The following MRPL44 variants were observed in gnomAD, a reference collection of about 807,000 sequenced individuals.
MRPL44 encodes the protein mitochondrial ribosomal protein L44.
A neutral mutation model predicts 25.9 loss-of-function variants in MRPL44; 21 were observed. The ratio of observed to expected loss-of-function variants is 0.81; its 90% CI spans 0.58 to 1.17. The LOEUF (loss-of-function observed/expected upper bound fraction) is 1.17. MRPL44 is among the 50% of genes most tolerant of loss of function. The pLI is 0.00. For synonymous variants in MRPL44, 169 were observed against 151.0 expected (o/e 1.12, Z -0.87); for missense variants, 410 against 398.9 (o/e 1.03, Z -0.24).
chr2:223,953,209 A>G (rs1290665795), upstream of MRPL44, among the ~76,000 whole-genome samples: 1 of 147,848 alleles, frequency 6.8e-6, no homozygotes, highest in Non-Finnish European at 1.5e-5. Flanking sequence ...ATCTTGGCTC[A>G]CTGCAACCTC....
chr2:223,959,492 G>GGTT, intron 1 of MRPL44, 42 bp from the exon 2 acceptor site: 1 of 1,440,572 alleles, frequency 6.9e-7, no homozygotes, highest in Non-Finnish European at 9.5e-7. Flanking sequence ...CACAGTAACA[G>GGTT]GTTGTTCTCT....
At chr2:223,961,065 T>G (rs912286921) in intron 2 of MRPL44, among the ~76,000 whole-genome samples, 3 of 152,214 alleles carry the variant, frequency 2.0e-5, no homozygotes, top group South Asian at 2.1e-4. Flanking sequence ...CACTTAATGT[T>G]GAGTGCCTTA....
chr2:223,952,606 C>T (rs1447585116), upstream of MRPL44, among the ~76,000 whole-genome samples: 3 of 152,114 alleles, frequency 2.0e-5, no homozygotes, highest in Non-Finnish European at 4.4e-5. Context: ...CTAAAGCCTC[C>T]GTTGTACATA....
Position 223,959,667 on chromosome 2 carries a change from C to T in MRPL44, c.313C>T (p.Arg105Cys), listed in dbSNP as rs144037629. The T allele has an allele frequency of 3.8e-5, 62 of 1,614,212 alleles. No homozygotes were observed. In the African/African-American group the frequency reaches 5.5e-4, roughly 14 times the overall value. ...SCYIKSEEAKRQQLGIEKEAV... is the reference protein window; with the variant it reads ...SCYIKSEEAKCQQLGIEKEAV... The stretch of plus-strand genomic sequence containing the variant: ...CTATATTAAAAGTGAGGAGGCCAAA[C>T]GCCAACAACTTGGGATAGAGAAAGA... The change falls in exon 2 of 4, where the codon CGC (arginine) becomes TGC (cysteine). Residue 105 changes from arginine to cysteine, a missense_variant. Physicochemically the swap from Arg to Cys is radical, Grantham distance 180. Transcript: ENST00000258383.
chr2:223,962,438 CTCCATCCATCCATCCA>C (rs111442003), intron 2 of MRPL44, among the ~76,000 whole-genome samples: 3 of 151,890 alleles, frequency 2.0e-5, no homozygotes, highest in Non-Finnish European at 2.9e-5. Context: ...TTCCCTCTGC[CTCCATCCATCCATCCA>C]TCCATCCATC....
intron 3 of MRPL44, among the ~76,000 whole-genome samples, chr2:223,964,674 A>G (rs1689717101): frequency 6.6e-6 from 1 of 152,056 alleles, no homozygotes; most frequent in South Asian, 2.1e-4. Context: ...ATCAGTTTAT[A>G]TACTGCTGGT....
At chr2:223,955,186 A>C (rs1340729014), upstream of MRPL44, among the ~76,000 whole-genome samples, 1 of 152,214 alleles carries the variant, frequency 6.6e-6, no homozygotes, top group African/African-American at 2.4e-5. Context: ...CAGCTTTTAG[A>C]TCTATCAAGT....
At chr2:223,954,673 A>G (rs1216345724), upstream of MRPL44, among the ~76,000 whole-genome samples, 1 of 152,254 alleles carries the variant, frequency 6.6e-6, no homozygotes, top group East Asian at 1.9e-4. Flanking sequence ...ACTTCCTGAC[A>G]GGAGACTAAT....
chr2:223,963,623 C>T lies in MRPL44; in HGVS notation c.649-133C>T, dbSNP rs149624372. 384 of 509,370 alleles carry T rather than the reference C, an allele frequency of 7.5e-4. 2 individuals carry two copies. The highest frequency in any genetic ancestry group is 7.3e-3 in the African/African-American group (367 of 50,080). The allele number at this position is 509,370 out of a possible 1,614,324, so 31.6% of individuals were successfully genotyped here. A position where few individuals can be genotyped will look rare whatever the true frequency, so the allele number is the denominator to read the frequency against. On this transcript the variant is annotated intron_variant, in intron 2 of 3. Transcript: ENST00000258383. ...TAGTACATTTTTGTCTTTCGTTTCCCATTAAGTTTTAAATTTCTGTTAAAA... is the reference window on the plus strand; with the variant it reads ...TAGTACATTTTTGTCTTTCGTTTCCTATTAAGTTTTAAATTTCTGTTAAAA...
At chr2:223,961,220 C>G (rs1046175911) in intron 2 of MRPL44, among the ~76,000 whole-genome samples, 1 of 152,344 alleles carries the variant, frequency 6.6e-6, no homozygotes, top group East Asian at 1.9e-4. Flanking sequence ...GAGGAGGCAA[C>G]AGCCAACTTT....
upstream of MRPL44, chr2:223,957,254 G>C: frequency 6.6e-6 from 4 of 609,288 alleles, no homozygotes; most frequent in African/African-American, 1.8e-5. Flanking sequence ...GTAACTCGAA[G>C]AGAGGAGAGA....
chr2:223,957,416 T>A, upstream of MRPL44: 1 of 1,603,530 alleles, frequency 6.2e-7, no homozygotes, highest in Non-Finnish European at 8.5e-7. Flanking sequence ...GGAAGTGTGT[T>A]ACGGGGACAC....
At chr2:223,954,898 T>A (rs1689543091), upstream of MRPL44, among the ~76,000 whole-genome samples, 1 of 152,226 alleles carries the variant, frequency 6.6e-6, no homozygotes, top group Non-Finnish European at 1.5e-5. Context: ...TTTGCTTCCA[T>A]AATTATGAAT....
upstream of MRPL44, chr2:223,957,304 C>T: frequency 1.3e-6 from 1 of 754,752 alleles, no homozygotes; most frequent in East Asian, 2.7e-5. Context: ...GCAATCACCC[C>T]GCCCCGGGGC....
Position 223,967,184 on chromosome 2 carries a change from A to G in MRPL44, c.*150A>G. On this transcript the variant is annotated 3_prime_UTR_variant, in exon 4 of 4. Transcript: ENST00000258383. ...CCCAAAATTAAATAAGTGTTAACCA[A>G]GTCACAGTGTTTTTGGTTTTGTTTT... 1 of 765,838 alleles carries G rather than the reference A, an allele frequency of 1.3e-6. No individual in the cohort carries two copies. Among genetic ancestry groups the G allele is most frequent in the South Asian group, 2.5e-5 (1 of 40,502 alleles). The allele number at this position is 765,838 out of a possible 1,614,324, so 47.4% of individuals were successfully genotyped here.
chr2:223,959,113 C>T (rs1689615544), intron 1 of MRPL44, among the ~76,000 whole-genome samples: 1 of 152,132 alleles, frequency 6.6e-6, no homozygotes, highest in African/African-American at 2.4e-5. Flanking sequence ...GGAACCAATC[C>T]CCTACAGATA....
the MRPL44 span, among the ~76,000 whole-genome samples, chr2:223,951,496 T>TTTTTTTTTTTTTTTTG: frequency 6.7e-6 from 1 of 148,898 alleles, no homozygotes; most frequent in Non-Finnish European, 1.5e-5. Flanking sequence ...TTTTTTTTTT[T>TTTTTTTTTTTTTTTTG]TCAGACAGAG....
At chr2:223,951,478 G>GTTTTTTTTGTTTTGTTT in the MRPL44 span, among the ~76,000 whole-genome samples, 1 of 112,560 alleles carries the variant, frequency 8.9e-6, no homozygotes, top group Non-Finnish European at 1.8e-5. Context: ...TTACCTTGGA[G>GTTTTTTTTGTTTTGTTT]TTTTTTTTTT....
At position 223,966,925 on chromosome 2, in the gene MRPL44, C is replaced by T. The variant is rs1264703217; in HGVS notation, c.890C>T (p.Ala297Val). Residue 297 changes from alanine to valine, a missense_variant, in exon 4 of 4, where the codon GCT becomes GTT. Transcript: ENST00000258383. The stretch of plus-strand genomic sequence containing the variant: ...GTATTGGTTGCAGAAGAAGAGGCTG[C>T]TCGAGTGGCCCTTAGAAAACTTTAT... ...ETVLVAEEEA[A>V]RVALRKLYGF... The T allele has an allele frequency of 3.1e-6, 5 of 1,614,182 alleles. No homozygotes were observed. In the Admixed American group the frequency reaches 6.7e-5, roughly 22 times the overall value.
Sources: gnomAD v4.1 joint callset for allele counts (sites outside exome capture counted in the v4.1 genomes callset) on GRCh38, gnomAD v4.1.1 for gene constraint, MANE v1.5 for transcripts, NCBI Gene and HGNC (gene_info 2026-07-23, HGNC 2026-07-21) for gene names.